The following PTPN9 variants were observed in gnomAD, a reference collection of about 807,000 sequenced individuals.
PTPN9 encodes protein tyrosine phosphatase non-receptor type 9, also known as tyrosine-protein phosphatase non-receptor type 9.
PTPN9 carries 26 observed loss-of-function variants against 69.8 expected under a neutral mutation model. The ratio of observed to expected loss-of-function variants is 0.37; its 90% CI spans 0.27 to 0.52. The LOEUF (loss-of-function observed/expected upper bound fraction) is 0.52. Among genes scored for constraint, PTPN9 ranks in the 20% least tolerant of loss-of-function variants. The pLI is 0.91. For missense variants in PTPN9, 549 were observed against 740.3 expected (o/e 0.74, Z 3.00); for synonymous variants, 274 against 272.5 (o/e 1.01, Z -0.05).
chr15:75,506,129 A>G (rs1226257225), intron 6 of PTPN9, 126 bp from the exon 7 acceptor site: 1 of 746,930 alleles, frequency 1.3e-6, no homozygotes, highest in Non-Finnish European at 2.1e-6. Context: ...TACAAGGTAT[A>G]CTTGTAAAAG....
At chr15:75,504,106 C>T (rs1197959346) in intron 7 of PTPN9, among the ~76,000 whole-genome samples, 5 of 120,794 alleles carry the variant, frequency 4.1e-5, no homozygotes, top group African/African-American at 9.7e-5. Flanking sequence ...CCCGGACAGC[C>T]GCCCCGTCCG....
intron 5 of PTPN9, among the ~76,000 whole-genome samples, chr15:75,515,520 C>T (rs774398946): frequency 3.3e-5 from 5 of 151,462 alleles, no homozygotes; most frequent in Non-Finnish European, 7.4e-5. Flanking sequence ...ATAATCCCAA[C>T]ACTTTGGGAG....
intron 1 of PTPN9, among the ~76,000 whole-genome samples, chr15:75,567,411 AT>A (rs1295791677): frequency 2.0e-5 from 3 of 152,196 alleles, no homozygotes; most frequent in African/African-American, 4.8e-5. Flanking sequence ...TGTAATAATG[AT>A]TCACATCAAA....
chr15:75,542,133 G>A (rs1354960974), intron 1 of PTPN9, among the ~76,000 whole-genome samples: 1 of 152,134 alleles, frequency 6.6e-6, no homozygotes, highest in Non-Finnish European at 1.5e-5. Flanking sequence ...AGAACCAACT[G>A]CTTAAAACTA....
At chr15:75,578,221 C>T (rs2075182635) in intron 1 of PTPN9, among the ~76,000 whole-genome samples, 1 of 152,170 alleles carries the variant, frequency 6.6e-6, no homozygotes, top group Non-Finnish European at 1.5e-5. Context: ...TAAGAGGCTC[C>T]TCTGAAAATC....
chr15:75,500,179 G>A lies in PTPN9; in HGVS notation c.968+5496C>T, dbSNP rs78823965. Among the ~76,000 whole-genome samples the A allele has an allele frequency of 8.3e-3, 1,267 of 152,226 alleles. 32 individuals carry two copies. The East Asian group carries it at 0.1, about 12-fold the overall frequency. On this transcript the variant is annotated intron_variant, in intron 7 of 12. Coordinates refer to ENST00000618819, the MANE Select transcript of PTPN9 (RefSeq NM_002833.4). ...AAATACAAAATTAACCGGGTGTGGT[G>A]GCACACGCCTGTAATCCCAGCTACT...
rs2074555635 is a variant in PTPN9, at chr15:75,470,007, A to G, written c.1360-8T>C. ...CTGGCGTTTCTGCCGTTCCTTAGAT[A>G]AGAAAAGAAGTAAACGTTAACAAGG... On this transcript the variant is annotated splice_polypyrimidine_tract_variant and splice_region_variant and intron_variant, in intron 11 of 12. Coordinates refer to ENST00000618819, the MANE Select transcript of PTPN9 (RefSeq NM_002833.4). 2 of 1,601,938 alleles carry G rather than the reference A, an allele frequency of 1.2e-6. No individual in the cohort carries two copies. Among genetic ancestry groups the G allele is most frequent in the Non-Finnish European group, 8.6e-7 (1 of 1,169,094 alleles).
At chr15:75,519,017 T>C (rs570280430) in intron 4 of PTPN9, among the ~76,000 whole-genome samples, 2 of 152,210 alleles carry the variant, frequency 1.3e-5, no homozygotes, top group Non-Finnish European at 2.9e-5. Flanking sequence ...TTGATTGGAC[T>C]ACTCACAGAT....
rs192285091 is a variant in PTPN9, at chr15:75,567,631, G to A, written c.63+11083C>T. On this transcript the variant is annotated intron_variant, in intron 1 of 12. Coordinates refer to ENST00000618819, the MANE Select transcript of PTPN9 (RefSeq NM_002833.4). ...TGAAAAAAGTGACAAGTACTGTGCC[G>A]GTATGTTGTGGATGGATTTGGTATT... Among the ~76,000 whole-genome samples, 36 of 152,242 alleles carry A rather than the reference G, an allele frequency of 2.4e-4. No homozygotes were observed. In the East Asian group the frequency reaches 6.0e-3, roughly 25 times the overall value.
chr15:75,467,591 C>T lies in PTPN9; in HGVS notation c.*1178G>A, dbSNP rs191648138. ...AGGAAGAGATGGGCATCTCGGTAGA[C>T]AGGGCCAAGCTGCATAAAGGAACCA... On this transcript the variant is annotated 3_prime_UTR_variant, in exon 13 of 13. Coordinates refer to ENST00000618819, the MANE Select transcript of PTPN9 (RefSeq NM_002833.4). The T allele has an allele frequency of 1.3e-5, 2 of 152,714 alleles. No individual in the cohort carries two copies. The highest frequency in any genetic ancestry group is 3.9e-4 in the East Asian group (2 of 5,176). 9.5% of individuals were successfully genotyped at this position (152,714 alleles called of 1,614,324 possible).
chr15:75,541,702 G>A (rs1025811119), intron 1 of PTPN9, among the ~76,000 whole-genome samples: 4 of 151,568 alleles, frequency 2.6e-5, no homozygotes, highest in African/African-American at 9.7e-5. Context: ...CACTGCACCT[G>A]GCCTTTATTA....
rs920455818 is a variant in PTPN9, at chr15:75,578,926, C to T, written c.-150G>A. On this transcript the variant is annotated 5_prime_UTR_variant, in exon 1 of 13. Coordinates refer to ENST00000618819, the MANE Select transcript of PTPN9 (RefSeq NM_002833.4). ...GGCAGGGCCCGGCGCCTGCAGCGGC[C>T]GCAAACGCCGCTTCTGCTTCCTTAA... 26 of 350,662 alleles carry T rather than the reference C, an allele frequency of 7.4e-5. No homozygotes were observed. The highest frequency in any genetic ancestry group is 4.5e-4 in the African/African-American group (21 of 46,216). The allele number at this position is 350,662 out of a possible 1,614,324, so 21.7% of individuals were successfully genotyped here.
At chr15:75,556,829 C>T (rs1406642858) in intron 1 of PTPN9, among the ~76,000 whole-genome samples, 2 of 152,148 alleles carry the variant, frequency 1.3e-5, no homozygotes, top group African/African-American at 4.8e-5. Flanking sequence ...CCAGCAAAAA[C>T]TCTGTACCCA....
chr15:75,570,713 T>G (rs2075144975), intron 1 of PTPN9, among the ~76,000 whole-genome samples: 1 of 151,640 alleles, frequency 6.6e-6, no homozygotes. Flanking sequence ...AGGTCGAGGC[T>G]GCAATGAGTT....
chr15:75,503,954 G>A (rs1272177078), intron 7 of PTPN9, among the ~76,000 whole-genome samples: 6 of 118,374 alleles, frequency 5.1e-5, no homozygotes, highest in East Asian at 2.7e-4. Context: ...GGTGAGGGGC[G>A]CCTCTGCCCA....
chr15:75,491,552 T>C (rs573424014), intron 7 of PTPN9, among the ~76,000 whole-genome samples: 59 of 152,230 alleles, frequency 3.9e-4, no homozygotes, highest in African/African-American at 1.3e-3. Context: ...ACCTGGGTAA[T>C]GGACAGAGCT....
intron 1 of PTPN9, among the ~76,000 whole-genome samples, chr15:75,566,869 G>T (rs1275747186): frequency 6.6e-6 from 1 of 151,960 alleles, no homozygotes; most frequent in East Asian, 1.9e-4. Context: ...ACGGGCCTGT[G>T]GTCCCAGCTA....
intron 1 of PTPN9, among the ~76,000 whole-genome samples, chr15:75,544,820 T>C (rs1021489966): frequency 1.3e-5 from 2 of 152,072 alleles, no homozygotes; most frequent in South Asian, 2.1e-4. Flanking sequence ...ATTTTTTTTT[T>C]CTCTTCTTCC....
chr15:75,533,041 A>G (rs2074970070), intron 1 of PTPN9, among the ~76,000 whole-genome samples: 1 of 152,252 alleles, frequency 6.6e-6, no homozygotes, highest in Admixed American at 6.5e-5. Context: ...AGAATGAGCC[A>G]AAAGATGAGT....
Sources: allele counts gnomAD v4.1 joint callset (sites outside exome capture counted in the v4.1 genomes callset), GRCh38; gene constraint gnomAD v4.1.1; transcripts MANE v1.5; gene names NCBI Gene and HGNC (gene_info 2026-07-23, HGNC 2026-07-21).